Variants in FAM193A observed in about 807,000 individuals in gnomAD.
FAM193A encodes protein FAM193A.
In FAM193A, 22 loss-of-function variants were observed where a neutral mutation model predicts 126.5. The observed-to-expected ratio is 0.17, with a 90% CI of 0.12 to 0.25. FAM193A has a LOEUF of 0.25. FAM193A is among the 10% of genes least tolerant of loss of function. The pLI, the probability that FAM193A is intolerant of heterozygous loss-of-function variation, is 1.00. For synonymous variants in FAM193A, 761 were observed against 646.8 expected, an observed-to-expected ratio of 1.18 and a Z score of -2.68; for missense variants, 1,675 against 1,672.8, an observed-to-expected ratio of 1.00 and a Z score of -0.02.
At chr4:2,538,450 C>G (rs150330848) in intron 1 of FAM193A, among the ~76,000 whole-genome samples, 39,757 of 151,960 alleles carry the variant, frequency 0.26, 5,725 homozygotes, top group Middle Eastern at 0.37. Context: ...ACCTTGGCGT[C>G]CCAAAGTGCT....
At chr4:2,666,846 C>G (rs1713176886) in intron 12 of FAM193A, among the ~76,000 whole-genome samples, 3 of 152,298 alleles carry the variant, frequency 2.0e-5, no homozygotes, top group African/African-American at 7.2e-5. Flanking sequence ...TGCAGTGATG[C>G]TAATTCTTGA....
At chr4:2,617,212 C>T (rs115523959) in intron 2 of FAM193A, among the ~76,000 whole-genome samples, 2,614 of 114,358 alleles carry the variant, frequency 0.023, 145 homozygotes, top group African/African-American at 0.062. Flanking sequence ...ATTTTTTGAC[C>T]CATGTATTGG....
At chr4:2,562,284 A>G (rs1032440769) in intron 1 of FAM193A, among the ~76,000 whole-genome samples, 1 of 152,054 alleles carries the variant, frequency 6.6e-6, no homozygotes, top group African/African-American at 2.4e-5. Flanking sequence ...CCTCGTCTCT[A>G]CAAAAAATAT....
chr4:2,721,889 G>A (rs764732219), intron 20 of FAM193A, among the ~76,000 whole-genome samples: 2 of 152,188 alleles, frequency 1.3e-5, no homozygotes, highest in Admixed American at 6.5e-5. Flanking sequence ...TGTTCATACC[G>A]CAGTGAAGAC....
intron 1 of FAM193A, among the ~76,000 whole-genome samples, chr4:2,595,078 T>G (rs1457136416): frequency 6.6e-6 from 1 of 151,948 alleles, no homozygotes; most frequent in East Asian, 1.9e-4. Context: ...ACACGGGGTC[T>G]TGCCCTCTCA....
chr4:2,674,153 AACATAAGAT>A (rs758975482), intron 13 of FAM193A, among the ~76,000 whole-genome samples: 8 of 152,252 alleles, frequency 5.3e-5, no homozygotes, highest in African/African-American at 1.9e-4. Context: ...ATTATGTGGA[AACATAAGAT>A]ACAATTATCA....
intron 1 of FAM193A, among the ~76,000 whole-genome samples, chr4:2,566,327 G>A (rs1169626434): frequency 1.3e-5 from 2 of 152,194 alleles, no homozygotes; most frequent in South Asian, 2.1e-4. Flanking sequence ...GATTATAGGC[G>A]TGAGCCACCG....
At chr4:2,619,051 G>A (rs1045540376) in intron 2 of FAM193A, among the ~76,000 whole-genome samples, 1 of 152,110 alleles carries the variant, frequency 6.6e-6, no homozygotes, top group African/African-American at 2.4e-5. Flanking sequence ...TTTATTGCCT[G>A]TGTTCAGGTT....
rs774536793 is a variant in FAM193A at position 2,694,959 on chromosome 4, G to C, written c.3106G>C (p.Glu1036Gln). 2 of 1,600,414 alleles carry C rather than the reference G, an allele frequency of 1.2e-6. No homozygotes were observed. Among genetic ancestry groups the C allele is most frequent in the African/African-American group, 2.7e-5 (2 of 74,492 alleles). The change falls in exon 17 of 21, where the codon GAA becomes CAA. Residue 1036 changes from glutamate (E) to glutamine (Q), a missense_variant. Transcript: ENST00000637812. Reference protein sequence around the residue: ...PPSVCSDPDCEGHRCENGVYD... With the variant: ...PPSVCSDPDCQGHRCENGVYD... ...GCGGTTTTGCAGTGACCCTGACTGC[G>C]AAGGGCACCGCTGCGAGAATGGTGT...
At chr4:2,559,242 A>G (rs1372254211) in intron 1 of FAM193A, among the ~76,000 whole-genome samples, 1 of 152,182 alleles carries the variant, frequency 6.6e-6, no homozygotes, top group Non-Finnish European at 1.5e-5. Context: ...TGGAGGGGAC[A>G]ACGACAGAGC....
At chr4:2,616,778 G>C (rs1211741175) in intron 2 of FAM193A, among the ~76,000 whole-genome samples, 1 of 151,550 alleles carries the variant, frequency 6.6e-6, no homozygotes, top group Admixed American at 6.6e-5. Flanking sequence ...TTATTAGCCA[G>C]GATGGTCTTG....
At chr4:2,635,606 C>T (rs1418840335) in intron 5 of FAM193A, among the ~76,000 whole-genome samples, 1 of 152,178 alleles carries the variant, frequency 6.6e-6, no homozygotes, top group Admixed American at 6.5e-5. Context: ...GATCTTGGCT[C>T]ACTGAAACCT....
At chr4:2,590,201 A>G (rs1326654761) in intron 1 of FAM193A, among the ~76,000 whole-genome samples, 2 of 142,732 alleles carry the variant, frequency 1.4e-5, no homozygotes, top group East Asian at 2.2e-4. Context: ...GCTGGGCGCC[A>G]TGGCTCACGC....
At chr4:2,618,840 C>G (rs931770969) in intron 2 of FAM193A, among the ~76,000 whole-genome samples, 1 of 152,028 alleles carries the variant, frequency 6.6e-6, no homozygotes. Context: ...GGTGATCTGC[C>G]CACCCTCGGC....
intron 1 of FAM193A, among the ~76,000 whole-genome samples, chr4:2,544,596 C>T (rs769676683): frequency 9.2e-5 from 14 of 151,798 alleles, no homozygotes; most frequent in South Asian, 2.1e-4. Context: ...CCTAGCTACT[C>T]GGGAGGCTGA....
chr4:2,714,238 C>T (rs1258957979), intron 19 of FAM193A, among the ~76,000 whole-genome samples: 2 of 152,104 alleles, frequency 1.3e-5, no homozygotes, highest in East Asian at 3.9e-4. Flanking sequence ...AGACGGTGTT[C>T]TGTGCTTCCT....
At chr4:2,552,441 G>A (rs570425247) in intron 1 of FAM193A, among the ~76,000 whole-genome samples, 1 of 152,154 alleles carries the variant, frequency 6.6e-6, no homozygotes, top group South Asian at 2.1e-4. Flanking sequence ...GTGAGCCACC[G>A]TGCCTGGGCT....
At chr4:2,542,017 A>ATT (rs1258017085) in intron 1 of FAM193A, among the ~76,000 whole-genome samples, 1 of 139,192 alleles carries the variant, frequency 7.2e-6, no homozygotes, top group Non-Finnish European at 1.6e-5. Flanking sequence ...CACCTGGCAA[A>ATT]TTTTTTTTTT....
chr4:2,691,083 C>T (rs1716323570), intron 15 of FAM193A, 113 bp downstream of exon 15: 1 of 983,062 alleles, frequency 1.0e-6, no homozygotes, highest in African/African-American at 1.6e-5. Context: ...TAGCCAGAGG[C>T]GTAAGTGTAA....
Sources: gnomAD v4.1 joint callset for allele counts (sites outside exome capture counted in the v4.1 genomes callset) on GRCh38, gnomAD v4.1.1 for gene constraint, MANE v1.5 for transcripts, NCBI Gene and HGNC (gene_info 2026-07-23, HGNC 2026-07-21) for gene names.